Variants in CAMK2D observed in about 807,000 individuals in gnomAD.
CAMK2D encodes calcium/calmodulin dependent protein kinase II delta, also known as calcium/calmodulin-dependent protein kinase type II subunit delta.
Under a neutral mutation model 84.0 loss-of-function variants are expected in CAMK2D, and 37 were observed. The observed-to-expected ratio is 0.44, with a 90% CI of 0.34 to 0.58. The LOEUF (loss-of-function observed/expected upper bound fraction) is 0.58, where lower values mean the gene tolerates loss of function less well. CAMK2D is among the 20% of genes least tolerant of loss of function. The pLI, the probability that CAMK2D is intolerant of heterozygous loss-of-function variation, is 0.02. For synonymous variants in CAMK2D, 202 were observed against 212.5 expected (o/e 0.95, Z 0.43); for missense variants, 448 against 652.5 (o/e 0.69, Z 3.41).
intron 1 of CAMK2D, 81 bp downstream of exon 1, chr4:113,760,923 A>T: frequency 6.4e-7 from 1 of 1,570,554 alleles, no homozygotes; most frequent in Non-Finnish European, 8.8e-7. Context: ...TCGCCCCAAG[A>T]CGGAGGCCGG....
chr4:113,563,193 G>A (rs1351643575), intron 4 of CAMK2D, among the ~76,000 whole-genome samples: 9 of 152,120 alleles, frequency 5.9e-5, no homozygotes, highest in African/African-American at 2.2e-4. Context: ...GGTGGAGGTT[G>A]CAGTGAGCCG....
intron 2 of CAMK2D, among the ~76,000 whole-genome samples, chr4:113,718,051 C>A (rs2099518899): frequency 6.6e-6 from 1 of 152,016 alleles, no homozygotes; most frequent in African/African-American, 2.4e-5. Flanking sequence ...AAAAGATGTA[C>A]ATAAATATTA....
intron 17 of CAMK2D, among the ~76,000 whole-genome samples, chr4:113,460,867 T>A (rs1218386098): frequency 3.3e-5 from 5 of 152,006 alleles, no homozygotes; most frequent in African/African-American, 9.7e-5. Context: ...TAAATTTTTA[T>A]TTCTAGTAGA....
intron 16 of CAMK2D, among the ~76,000 whole-genome samples, chr4:113,496,518 G>A (rs80227483): frequency 0.063 from 9,223 of 146,982 alleles, 567 homozygotes; most frequent in East Asian, 0.22. Context: ...GCACAATCTC[G>A]GCTCACTGCA....
chr4:113,552,119 C>A, intron 4 of CAMK2D, 23 bp from the exon 5 acceptor site: 1 of 1,427,448 alleles, frequency 7.0e-7, no homozygotes, highest in Non-Finnish European at 9.8e-7. Flanking sequence ...AAAACATAAT[C>A]ACTTTTAAAA....
chr4:113,480,867 T>C (rs542066911), intron 16 of CAMK2D, among the ~76,000 whole-genome samples: 73 of 152,120 alleles, frequency 4.8e-4, no homozygotes, highest in African/African-American at 1.7e-3. Context: ...CTTGAGGGAT[T>C]GGCTAGTCCC....
intron 2 of CAMK2D, among the ~76,000 whole-genome samples, chr4:113,674,220 G>A (rs1434607760): frequency 6.6e-6 from 1 of 151,962 alleles, no homozygotes; most frequent in Non-Finnish European, 1.5e-5. Flanking sequence ...CTACACTTCA[G>A]GAGTGTATCA....
At chr4:113,691,168 T>C (rs1382796333) in intron 2 of CAMK2D, among the ~76,000 whole-genome samples, 1 of 152,160 alleles carries the variant, frequency 6.6e-6, no homozygotes. Flanking sequence ...ACACCCTCCA[T>C]TAATATTAAA....
rs1481044637 is a variant in CAMK2D, at chr4:113,509,984, C to G, written c.947-309G>C. ...TGTGAAAAGGATACTGGAACTTTAACTGGACTATCCTTTTGTAATCCAGAA... is the reference window on the plus strand; with the variant it reads ...TGTGAAAAGGATACTGGAACTTTAAGTGGACTATCCTTTTGTAATCCAGAA... On this transcript the variant is annotated intron_variant, in intron 12 of 20. Transcript: ENST00000511664. Among the ~76,000 whole-genome samples the G allele has an allele frequency of 2.6e-5, 4 of 152,190 alleles. No homozygotes were observed. In the East Asian group the frequency reaches 7.7e-4, roughly 29 times the overall value.
chr4:113,660,645 C>T (rs182177700), intron 3 of CAMK2D, among the ~76,000 whole-genome samples: 4 of 152,196 alleles, frequency 2.6e-5, no homozygotes, highest in African/African-American at 9.6e-5. Flanking sequence ...TCTGCCTCAC[C>T]CCTCCAAAGT....
chr4:113,514,149 T>A (rs1590501606), intron 10 of CAMK2D, among the ~76,000 whole-genome samples: 1 of 152,124 alleles, frequency 6.6e-6, no homozygotes, highest in Non-Finnish European at 1.5e-5. Flanking sequence ...GCGCGGTGGG[T>A]CACGCCTGTA....
At chr4:113,609,995 C>A (rs1310349753) in intron 3 of CAMK2D, among the ~76,000 whole-genome samples, 1 of 152,172 alleles carries the variant, frequency 6.6e-6, no homozygotes, top group East Asian at 1.9e-4. Flanking sequence ...AAGCCCCACA[C>A]CTTGTCCCAG....
chr4:113,556,949 G>A (rs2098669017), intron 4 of CAMK2D, among the ~76,000 whole-genome samples: 1 of 152,066 alleles, frequency 6.6e-6, no homozygotes, highest in African/African-American at 2.4e-5. Flanking sequence ...ATAATTAAAT[G>A]GGGGAATGAA....
intron 16 of CAMK2D, among the ~76,000 whole-genome samples, chr4:113,483,235 T>C (rs1321066261): frequency 6.6e-6 from 1 of 152,244 alleles, no homozygotes; most frequent in Admixed American, 6.5e-5. Context: ...AGCCTCAGTC[T>C]ATTTTACTAT....
Position 113,589,307 on chromosome 4 carries a change from T to A in CAMK2D, c.275+19845A>T, listed in dbSNP as rs566637361. 1.7e-4 allele frequency among the ~76,000 whole-genome samples: 26 copies of A among 152,150 alleles called. 1 individual carries two copies. The South Asian group carries it at 5.4e-3, about 32-fold the overall frequency. On this transcript the variant is annotated intron_variant, in intron 4 of 20. Coordinates refer to ENST00000511664, the MANE Select transcript of CAMK2D (RefSeq NM_001321571.2). ...ACTTTTACAGTGATCCAGCAAGCGA[T>A]GATAATGGTTTTGGCCAAGGGGGTG...
intron 4 of CAMK2D, among the ~76,000 whole-genome samples, chr4:113,577,754 CT>C (rs1315044260): frequency 1.3e-5 from 1 of 75,190 alleles, no homozygotes; most frequent in African/African-American, 4.6e-5. Flanking sequence ...TCTTCGTATA[CT>C]ATTTTTTTTT....
At chr4:113,611,752 T>C (rs1003623810) in intron 3 of CAMK2D, among the ~76,000 whole-genome samples, 1 of 152,132 alleles carries the variant, frequency 6.6e-6, no homozygotes, top group South Asian at 2.1e-4. Context: ...GATGGAAACA[T>C]GATAATCAAA....
chr4:113,644,427 G>A lies in CAMK2D; in HGVS notation c.220+17286C>T, dbSNP rs562830215. ...AGTTCCCAAGGAAAATGAATAAAGG[G>A]AAGCCTTGAGTAGTCTCAGCTTAAG... is the stretch of plus-strand genomic sequence containing the variant. On this transcript the variant is annotated intron_variant, in intron 3 of 20. Coordinates refer to ENST00000511664, the MANE Select transcript of CAMK2D (RefSeq NM_001321571.2). Among the ~76,000 whole-genome samples the A allele has an allele frequency of 8.5e-5, 13 of 152,274 alleles. No homozygotes were observed. In the South Asian group the frequency reaches 2.1e-3, roughly 24 times the overall value.
chr4:113,459,041 G>GT (rs1193708816), intron 18 of CAMK2D, among the ~76,000 whole-genome samples: 2 of 152,116 alleles, frequency 1.3e-5, no homozygotes, highest in Non-Finnish European at 2.9e-5. Context: ...AAAAGTGGCT[G>GT]TTTCCTCTGA....
Sources: gnomAD v4.1 joint callset for allele counts (sites outside exome capture counted in the v4.1 genomes callset) on GRCh38, gnomAD v4.1.1 for gene constraint, MANE v1.5 for transcripts, NCBI Gene and HGNC (gene_info 2026-07-23, HGNC 2026-07-21) for gene names.